Variants in OGDH observed in about 807,000 individuals in gnomAD.
The protein encoded by OGDH is 2-oxoglutarate dehydrogenase complex component E1.
Under a neutral mutation model 116.6 loss-of-function variants are expected in OGDH, and 38 were observed. The ratio of observed to expected loss-of-function variants is 0.33; its 90% CI spans 0.25 to 0.43. The LOEUF (loss-of-function observed/expected upper bound fraction) is 0.43, where lower values mean the gene tolerates loss of function less well. Among genes scored for constraint, OGDH ranks in the 20% least tolerant of loss-of-function variants. The pLI is 1.00. For missense variants in OGDH, 825 were observed against 1,357.2 expected, an observed-to-expected ratio of 0.61 and a Z score of 6.16; for synonymous variants, 488 against 533.3, an observed-to-expected ratio of 0.92 and a Z score of 1.17.
chr7:44,657,406 C>T (rs1429472969), intron 4 of OGDH, among the ~76,000 whole-genome samples: 5 of 152,198 alleles, frequency 3.3e-5, no homozygotes, highest in African/African-American at 1.2e-4. Flanking sequence ...GAGATTCATG[C>T]AGGTTGTTGG....
intron 1 of OGDH, among the ~76,000 whole-genome samples, chr7:44,623,826 A>G (rs1349683376): frequency 6.6e-6 from 1 of 152,064 alleles, no homozygotes. Context: ...TTGTATTTTT[A>G]GTAGAGATGT....
chr7:44,683,833 G>A (rs1331454607), intron 10 of OGDH, among the ~76,000 whole-genome samples: 8 of 152,154 alleles, frequency 5.3e-5, no homozygotes, highest in Non-Finnish European at 8.8e-5. Flanking sequence ...ACCAGCCGTA[G>A]CTAAGGGTTC....
At chr7:44,702,415 T>C (rs551186271) in intron 20 of OGDH, among the ~76,000 whole-genome samples, 1 of 152,262 alleles carries the variant, frequency 6.6e-6, no homozygotes, top group South Asian at 2.1e-4. Flanking sequence ...TTGAGATTTC[T>C]ATAGGGACAG....
rs1789153567 is a variant in OGDH, at chr7:44,707,839, G to A, written c.2952-40G>A. 6.2e-7 allele frequency: 1 copy of A among 1,608,612 alleles called. No homozygotes were observed. Among genetic ancestry groups the A allele is most frequent in the East Asian group, 2.2e-5 (1 of 44,844 alleles). ...CAGAGGGATGGGCTGGGCCAACTCA[G>A]TGTCCCCTGCCCTCACTGCCCCCTC... On this transcript the variant is annotated intron_variant, in intron 22 of 22. Transcript: ENST00000222673. This position sits in a 1 kb window ranked among gnomAD's most constrained non-coding sequence, Gnocchi z 5.2.
chr7:44,635,670 C>G (rs1216539663), intron 2 of OGDH, among the ~76,000 whole-genome samples: 2 of 151,844 alleles, frequency 1.3e-5, no homozygotes, highest in African/African-American at 4.8e-5. Context: ...TCATCAACTT[C>G]TTGAACAAAT....
In OGDH at chr7:44,697,243, C is replaced by T; in HGVS notation, c.2052-127C>T. 6.8e-7 allele frequency: 1 copy of T among 1,478,972 alleles called. No homozygotes were observed. The highest frequency in any genetic ancestry group is 1.9e-5 in the Admixed American group (1 of 53,148). The allele number at this position is 1,478,972 out of a possible 1,614,324, so 91.6% of individuals were successfully genotyped here. On this transcript the variant is annotated intron_variant, in intron 15 of 22. Coordinates refer to ENST00000222673, the MANE Select transcript of OGDH (RefSeq NM_002541.4). This position sits in a 1 kb window ranked among gnomAD's most constrained non-coding sequence, Gnocchi z 6.0. ...CTGTTAAGACCTGGGTGGGGCCGACCCTGCAGCTGCCTGGCCAGAAGTCCA... is the reference window on the plus strand; with the variant it reads ...CTGTTAAGACCTGGGTGGGGCCGACTCTGCAGCTGCCTGGCCAGAAGTCCA...
chr7:44,697,008 G>A lies in OGDH; in HGVS notation c.1995G>A (p.Leu665=). Residue 665 remains leucine (L), a synonymous_variant, in exon 15 of 23, where the codon CTG becomes CTA. Transcript: ENST00000222673. The surrounding 1 kb of genome is among the most constrained non-coding windows in gnomAD (Gnocchi z 6.0). ...AGTACATGGCGTTTGGCTCGCTCCT[G>A]AAGGAGGGCATCCACATTCGGCTGA... is the stretch of plus-strand genomic sequence containing the variant. ...LAEYMAFGSL[L]KEGIHIRLSG... 5 of 1,614,230 alleles carry A rather than the reference G, an allele frequency of 3.1e-6. No homozygotes were observed. In the African/African-American group the frequency reaches 5.3e-5, roughly 17 times the overall value.
chr7:44,648,455 G>A (rs1379739862), intron 4 of OGDH, among the ~76,000 whole-genome samples: 1 of 152,216 alleles, frequency 6.6e-6, no homozygotes, highest in African/African-American at 2.4e-5. Flanking sequence ...GCTTTGCAGA[G>A]TTAGTCTGCT....
chr7:44,704,497 G>A (rs1366055047), intron 20 of OGDH, among the ~76,000 whole-genome samples: 5 of 151,874 alleles, frequency 3.3e-5, no homozygotes, highest in Non-Finnish European at 7.4e-5. Flanking sequence ...GAGATTACAG[G>A]CATGAGCCAC....
intron 4 of OGDH, among the ~76,000 whole-genome samples, chr7:44,649,361 T>C (rs1786336028): frequency 6.8e-6 from 1 of 146,788 alleles, no homozygotes; most frequent in Non-Finnish European, 1.5e-5. Flanking sequence ...GCAGTTCTCC[T>C]GCCTCAGCCT....
chr7:44,610,833 T>C (rs886937874), intron 1 of OGDH, among the ~76,000 whole-genome samples: 1 of 149,834 alleles, frequency 6.7e-6, no homozygotes, highest in African/African-American at 2.5e-5. Context: ...GGTCTGGATC[T>C]CCTGACCTCG....
At chr7:44,674,727 G>T (rs1299214376) in intron 7 of OGDH, 170 bp downstream of exon 7, 4 of 705,072 alleles carry the variant, frequency 5.7e-6, no homozygotes, top group African/African-American at 3.6e-5. Flanking sequence ...TTCTCACATT[G>T]CCTGCCTCTG....
chr7:44,611,435 AT>A (rs1246267289), intron 1 of OGDH, among the ~76,000 whole-genome samples: 152 of 145,098 alleles, frequency 1.0e-3, no homozygotes, highest in East Asian at 2.2e-3. Flanking sequence ...TGCCCGGCTA[AT>A]TTTTTTTTTT....
At chr7:44,644,593 C>T (rs1786088268) in intron 2 of OGDH, among the ~76,000 whole-genome samples, 1 of 152,162 alleles carries the variant, frequency 6.6e-6, no homozygotes. Flanking sequence ...TCACTAAGAG[C>T]CTACCTCTTG....
chr7:44,694,376 C>A lies in OGDH; in HGVS notation c.1516-48C>A, dbSNP rs1386847556. The A allele has an allele frequency of 6.2e-7, 1 of 1,603,668 alleles. No individual in the cohort carries two copies. The highest frequency in any genetic ancestry group is 1.1e-5 in the South Asian group (1 of 90,246). On this transcript the variant is annotated intron_variant, in intron 11 of 22. Transcript: ENST00000222673. This position sits in a 1 kb window ranked among gnomAD's most constrained non-coding sequence, Gnocchi z 4.2. ...GCAGGTGCCTGAACAGCACTTCTTC[C>A]CAAGGGGCCAGCCCTTGTCTCTGAC...
chr7:44,685,568 G>C (rs1788093555), intron 10 of OGDH, among the ~76,000 whole-genome samples: 1 of 151,768 alleles, frequency 6.6e-6, no homozygotes, highest in African/African-American at 2.4e-5. Context: ...GAATAATGCT[G>C]CTATGATGCT....
intron 2 of OGDH, among the ~76,000 whole-genome samples, chr7:44,627,596 A>G (rs1708531255): frequency 6.6e-6 from 1 of 152,240 alleles, no homozygotes. Flanking sequence ...GACTAAACTC[A>G]TATAGCAGAA....
intron 10 of OGDH, among the ~76,000 whole-genome samples, chr7:44,687,840 C>T (rs556896808): frequency 2.0e-5 from 3 of 152,080 alleles, no homozygotes; most frequent in Non-Finnish European, 4.4e-5. Flanking sequence ...TTTATAAATA[C>T]GTGCAACTAT....
intron 1 of OGDH, among the ~76,000 whole-genome samples, chr7:44,618,952 C>A (rs1784906786): frequency 6.6e-6 from 1 of 152,214 alleles, no homozygotes; most frequent in African/African-American, 2.4e-5. Flanking sequence ...GGTATTAGAT[C>A]ATACCCTTTT....
Sources: allele counts gnomAD v4.1 joint callset (sites outside exome capture counted in the v4.1 genomes callset), GRCh38; gene constraint gnomAD v4.1.1; non-coding constraint Gnocchi (gnomAD v3.1); transcripts MANE v1.5; gene names NCBI Gene and HGNC (gene_info 2026-07-23, HGNC 2026-07-21).